The following RAPGEF4 variants were observed in gnomAD, a reference collection of about 807,000 sequenced individuals.
RAPGEF4 encodes the protein Rap guanine nucleotide exchange factor 4.
RAPGEF4 carries 66 observed loss-of-function variants against 147.9 expected under a neutral mutation model. The ratio of observed to expected loss-of-function variants is 0.45; its 90% CI spans 0.37 to 0.55. The LOEUF (loss-of-function observed/expected upper bound fraction) is 0.55, where lower values mean the gene tolerates loss of function less well. RAPGEF4 is among the 20% of genes least tolerant of loss of function. The pLI is 0.00. For missense variants in RAPGEF4, 1,071 were observed against 1,257.3 expected (o/e 0.85, Z 2.24); for synonymous variants, 419 against 442.7 (o/e 0.95, Z 0.67).
intron 10 of RAPGEF4, among the ~76,000 whole-genome samples, chr2:172,980,229 T>A (rs1553540895): frequency 6.6e-6 from 1 of 152,106 alleles, no homozygotes; most frequent in Non-Finnish European, 1.5e-5. Flanking sequence ...GAAGTTAAGA[T>A]CTGGTTTCCA....
intron 4 of RAPGEF4, among the ~76,000 whole-genome samples, chr2:172,905,689 T>C (rs751563057): frequency 6.6e-6 from 1 of 152,250 alleles, no homozygotes; most frequent in Non-Finnish European, 1.5e-5. Context: ...TTGTGATTCT[T>C]GCACTCCAGA....
At chr2:173,029,673 T>G (rs905969647) in intron 25 of RAPGEF4, among the ~76,000 whole-genome samples, 1 of 152,136 alleles carries the variant, frequency 6.6e-6, no homozygotes, top group South Asian at 2.1e-4. Flanking sequence ...ACCTTATAAG[T>G]TGATATTTTT....
intron 4 of RAPGEF4, among the ~76,000 whole-genome samples, chr2:172,849,480 C>T (rs115301012): frequency 9.9e-4 from 151 of 152,254 alleles, no homozygotes; most frequent in African/African-American, 3.5e-3. Context: ...TATGGAATAT[C>T]AGTAATGAAA....
chr2:172,829,494 G>T (rs1258141791), intron 4 of RAPGEF4, among the ~76,000 whole-genome samples: 1 of 152,174 alleles, frequency 6.6e-6, no homozygotes, highest in Non-Finnish European at 1.5e-5. Flanking sequence ...TGGTCACTTG[G>T]ATTTTACATT....
chr2:172,889,591 C>A (rs564370019), intron 4 of RAPGEF4, among the ~76,000 whole-genome samples: 2 of 151,684 alleles, frequency 1.3e-5, no homozygotes, highest in South Asian at 2.1e-4. Flanking sequence ...CATGTTTATA[C>A]GCAAGGACAG....
At chr2:172,886,904 T>C (rs965529352) in intron 4 of RAPGEF4, among the ~76,000 whole-genome samples, 1 of 152,130 alleles carries the variant, frequency 6.6e-6, no homozygotes, top group Non-Finnish European at 1.5e-5. Context: ...ATTTGAAAAA[T>C]TGGCCGGGCG....
chr2:173,029,484 CAT>C lies in RAPGEF4; in HGVS notation c.2559-679_2559-678del, dbSNP rs112114712. 2.5e-3 allele frequency among the ~76,000 whole-genome samples: 383 copies of C among 152,294 alleles called. 3 individuals are homozygous for C. Among genetic ancestry groups the C allele is most frequent in the Admixed American group, 0.023 (353 of 15,302 alleles). On this transcript the variant is annotated intron_variant, in intron 25 of 30. Transcript: ENST00000397081. ...TAATAAGAATTTCTGTTTTTTTCCA[CAT>C]GTCTCATTCCCAAACATATATTCAT...
chr2:172,794,994 CAT>C, intron 1 of RAPGEF4, 29 bp from the exon 2 acceptor site: 1 of 1,580,426 alleles, frequency 6.3e-7, no homozygotes, highest in South Asian at 1.2e-5. Context: ...TCTTTACTGA[CAT>C]AGCTTTTGTG....
chr2:172,840,832 C>T (rs1691506704), intron 4 of RAPGEF4, among the ~76,000 whole-genome samples: 1 of 152,174 alleles, frequency 6.6e-6, no homozygotes, highest in Non-Finnish European at 1.5e-5. Flanking sequence ...TGCCTATGAA[C>T]TGAAGAGCAG....
At chr2:172,890,694 A>C (rs1697802847) in intron 4 of RAPGEF4, among the ~76,000 whole-genome samples, 1 of 152,254 alleles carries the variant, frequency 6.6e-6, no homozygotes, top group Non-Finnish European at 1.5e-5. Flanking sequence ...GGAGGGAACC[A>C]TTGAGAATAC....
At chr2:173,049,628 C>T (rs1015596741) in intron 30 of RAPGEF4, among the ~76,000 whole-genome samples, 4 of 152,074 alleles carry the variant, frequency 2.6e-5, no homozygotes, top group Admixed American at 2.6e-4. Context: ...ACATGGGACA[C>T]CAGAACTACT....
intron 12 of RAPGEF4, among the ~76,000 whole-genome samples, 167 bp downstream of exon 12, chr2:172,985,660 C>T (rs1692173923): frequency 6.6e-6 from 1 of 152,138 alleles, no homozygotes; most frequent in Non-Finnish European, 1.5e-5. Flanking sequence ...TGATTATTTC[C>T]AGCACATGTC....
chr2:172,905,195 GTT>G (rs1399979996), intron 4 of RAPGEF4, among the ~76,000 whole-genome samples: 2 of 152,032 alleles, frequency 1.3e-5, no homozygotes, highest in African/African-American at 4.8e-5. Flanking sequence ...ACCCGAACAG[GTT>G]TTCAATGCAC....
At chr2:172,856,088 G>A (rs1693387087) in intron 4 of RAPGEF4, among the ~76,000 whole-genome samples, 1 of 151,780 alleles carries the variant, frequency 6.6e-6, no homozygotes, top group Non-Finnish European at 1.5e-5. Context: ...TGTCCTTCTG[G>A]AATTCCAGTT....
intron 1 of RAPGEF4, among the ~76,000 whole-genome samples, chr2:172,759,988 A>T (rs1458669699): frequency 2.6e-5 from 4 of 152,228 alleles, no homozygotes; most frequent in African/African-American, 4.8e-5. Context: ...TCTTTTCCTC[A>T]TGTATCCCAG....
At chr2:172,753,525 G>A (rs1695486837) in intron 1 of RAPGEF4, among the ~76,000 whole-genome samples, 1 of 151,092 alleles carries the variant, frequency 6.6e-6, no homozygotes. Flanking sequence ...TTTGAATTGG[G>A]AAAAGCAACA....
At chr2:172,920,540 T>G (rs1360469011) in intron 5 of RAPGEF4, among the ~76,000 whole-genome samples, 22 of 152,086 alleles carry the variant, frequency 1.4e-4, no homozygotes, top group Admixed American at 1.4e-3. Context: ...ATCATATCAC[T>G]CTGCTGCTTG....
chr2:172,910,265 C>A (rs1026896225), intron 4 of RAPGEF4, among the ~76,000 whole-genome samples: 2 of 152,194 alleles, frequency 1.3e-5, no homozygotes, highest in Admixed American at 6.5e-5. Flanking sequence ...TCTCCAATAA[C>A]CTCTAGACAG....
Position 172,826,168 on chromosome 2 carries a change from C to T in RAPGEF4, c.444+11743C>T, listed in dbSNP as rs537109179. ...TGCTTTCTTTTGCCTCCATGCCATGCCCTCCCACAAACATGCTTTAAGCTT... is the reference window on the plus strand; with the variant it reads ...TGCTTTCTTTTGCCTCCATGCCATGTCCTCCCACAAACATGCTTTAAGCTT... On this transcript the variant is annotated intron_variant, in intron 4 of 30. Transcript: ENST00000397081. 2.0e-5 allele frequency among the ~76,000 whole-genome samples: 3 copies of T among 152,292 alleles called. No individual in the cohort carries two copies. The South Asian group carries it at 6.2e-4, about 32-fold the overall frequency.
Sources: gnomAD v4.1 joint callset for allele counts (sites outside exome capture counted in the v4.1 genomes callset) on GRCh38, gnomAD v4.1.1 for gene constraint, MANE v1.5 for transcripts, NCBI Gene and HGNC (gene_info 2026-07-23, HGNC 2026-07-21) for gene names.